The following SDR9C7 variants were observed in gnomAD, a reference collection of about 807,000 sequenced individuals.
The protein encoded by SDR9C7 is short-chain dehydrogenase/reductase family 9C member 7.
Under a neutral mutation model 23.6 loss-of-function variants are expected in SDR9C7, and 11 were observed. That is an observed-to-expected ratio of 0.47 (90% CI 0.29 to 0.77). The LOEUF is 0.77. Ranked by LOEUF, SDR9C7 falls within the 30% of genes least tolerant of loss-of-function variation. The probability of loss-of-function intolerance (pLI) is 0.09; values close to 1 mark genes in which losing one functional copy is unlikely to be tolerated. For synonymous variants in SDR9C7, 167 were observed against 157.3 expected, an observed-to-expected ratio of 1.06 and a Z score of -0.46; for missense variants, 387 against 407.1, an observed-to-expected ratio of 0.95 and a Z score of 0.42.
chr12:56,928,069 C>T (rs1955745282), intron 3 of SDR9C7, among the ~76,000 whole-genome samples: 2 of 152,088 alleles, frequency 1.3e-5, no homozygotes, highest in Admixed American at 6.5e-5. Flanking sequence ...TGAGACTTCC[C>T]TAAATCAATG....
rs774735827 is a variant in SDR9C7 at position 56,934,199 on chromosome 12, G to A, written c.63C>T (p.Gly21=). ...TGAAGACGTACTTCTCTGAGAGGTT[G>A]CCAACCAGATTGCAGTTCTTGAACC... The part of the protein sequence containing the change: ...YRWFKNCNLV[G]NLSEKYVFIT... Residue 21 remains glycine (G), a synonymous_variant, in exon 1 of 4, where the codon GGC becomes GGT. Coordinates refer to ENST00000293502, the MANE Select transcript of SDR9C7 (RefSeq NM_148897.3). The A allele has an allele frequency of 6.2e-7, 1 of 1,614,098 alleles. No homozygotes were observed. Among genetic ancestry groups the A allele is most frequent in the Non-Finnish European group, 8.5e-7 (1 of 1,180,046 alleles).
intron 3 of SDR9C7, among the ~76,000 whole-genome samples, chr12:56,928,913 A>C (rs1955750065): frequency 6.6e-6 from 1 of 152,210 alleles, no homozygotes; most frequent in South Asian, 2.1e-4. Flanking sequence ...CAGAATGTGC[A>C]AAGTACTTCA....
At position 56,932,709 on chromosome 12, in the gene SDR9C7, G is replaced by A. The variant is rs183293577; in HGVS notation, c.301+1252C>T. Among the ~76,000 whole-genome samples, 168 of 152,298 alleles carry A rather than the reference G, an allele frequency of 1.1e-3. 3 individuals carry two copies. The highest frequency in any genetic ancestry group is 0.01 in the Admixed American group (158 of 15,310). ...TAGCTCACTCAAATCTATTTATTCA[G>A]TACCTTACTAGGTGCCAGACATTAT... On this transcript the variant is annotated intron_variant, in intron 1 of 3. Transcript: ENST00000293502.
In SDR9C7 at chr12:56,923,872, G is replaced by T; in HGVS notation, c.903C>A (p.Ile301=). The T allele has an allele frequency of 3.7e-6, 6 of 1,613,922 alleles. No homozygotes were observed. The highest frequency in any genetic ancestry group is 5.1e-6 in the Non-Finnish European group (6 of 1,179,880). Residue 301 remains isoleucine (I), a synonymous_variant, in exon 4 of 4, where the codon ATC becomes ATA. Coordinates refer to ENST00000293502, the MANE Select transcript of SDR9C7 (RefSeq NM_148897.3). ...CTGGCCTTGGAAGGTACCGGCTTAGGATGAAATCTGTCACAGGGGTGGGCA... is the reference window on the plus strand; with the variant it reads ...CTGGCCTTGGAAGGTACCGGCTTAGTATGAAATCTGTCACAGGGGTGGGCA... ...AKLPTPVTDF[I]LSRYLPRPAD...
rs1201726510 is a variant in SDR9C7, at chr12:56,929,451, C to T, written c.663G>A (p.Lys221=). ...GKENLESRMR[K]LWERLPQETR... is the part of the protein sequence containing the mutation. ...TCTCCTGAGGCAGCCTCTCCCAAAG[C>T]TTTCGCATGCGTGACTCCAGGTTCT... The change falls in exon 3 of 4, where the codon AAG becomes AAA. Residue 221 remains lysine (K), a synonymous_variant. Transcript: ENST00000293502. The T allele has an allele frequency of 1.2e-6, 2 of 1,613,878 alleles. No individual in the cohort carries two copies. The highest frequency in any genetic ancestry group is 1.7e-6 in the Non-Finnish European group (2 of 1,179,766).
At position 56,930,431 on chromosome 12, in the gene SDR9C7, C is replaced by G. The variant is rs538068583; in HGVS notation, c.355G>C (p.Glu119Gln). Residue 119 changes from glutamate to glutamine, a missense_variant, in exon 2 of 4, where the codon GAA becomes CAA. Glu to Gln is a conservative substitution (Grantham distance 29). Coordinates refer to ENST00000293502, the MANE Select transcript of SDR9C7 (RefSeq NM_148897.3). ...AGVGLPSGPNEWLTKDDFVKV... is the reference protein window; with the variant it reads ...AGVGLPSGPNQWLTKDDFVKV... ...ACAAAGTCATCCTTGGTCAGCCATT[C>G]GTTGGGACCACTGGGCAGGCCCACA... 3 of 1,614,164 alleles carry G rather than the reference C, an allele frequency of 1.9e-6. No individual in the cohort carries two copies. The highest frequency in any genetic ancestry group is 2.7e-5 in the African/African-American group (2 of 75,026).
At chr12:56,927,435 G>A (rs1955741552) in intron 3 of SDR9C7, among the ~76,000 whole-genome samples, 1 of 152,166 alleles carries the variant, frequency 6.6e-6, no homozygotes, top group Admixed American at 6.5e-5. Flanking sequence ...CCCCACACAT[G>A]CTAACATCTT....
Position 56,930,457 on chromosome 12 carries a change from C to T in SDR9C7, c.329G>A (p.Gly110Asp), listed in dbSNP as rs751502183. ...GTTGGGACCACTGGGCAGGCCCACA[C>T]CAGCATTGTTCACCAGGGCCCAGAG... ...QGLWALVNNA[G>D]VGLPSGPNEW... Residue 110 changes from glycine to aspartate, a missense_variant, in exon 2 of 4, where the codon GGT becomes GAT. By Grantham distance (94) the Gly-to-Asp change is moderately conservative. Transcript: ENST00000293502. The T allele has an allele frequency of 5.0e-6, 8 of 1,614,008 alleles. No individual in the cohort carries two copies. The highest frequency in any genetic ancestry group is 3.3e-5 in the South Asian group (3 of 91,080).
intron 2 of SDR9C7, 64 bp from the exon 3 acceptor site, chr12:56,929,617 CTGGATGGG>C (rs1307453753): frequency 6.4e-7 from 1 of 1,554,594 alleles, no homozygotes; most frequent in Non-Finnish European, 8.8e-7. Flanking sequence ...AGAGTCACCT[CTGGATGGG>C]CTGGTCTTTC....
chr12:56,930,424 A>G lies in SDR9C7; in HGVS notation c.362T>C (p.Leu121Pro). 5.6e-6 allele frequency: 9 copies of G among 1,614,196 alleles called. No individual in the cohort carries two copies. The highest frequency in any genetic ancestry group is 7.6e-6 in the Non-Finnish European group (9 of 1,180,030). Residue 121 changes from leucine (L) to proline (P), a missense_variant, in exon 2 of 4, where the codon CTG becomes CCG. Coordinates refer to ENST00000293502, the MANE Select transcript of SDR9C7 (RefSeq NM_148897.3). ...CACCTTCACAAAGTCATCCTTGGTC[A>G]GCCATTCGTTGGGACCACTGGGCAG... ...VGLPSGPNEW[L>P]TKDDFVKVIN...
rs972008294 is a variant in SDR9C7 at position 56,923,492 on chromosome 12, G to C, written c.*341C>G. 1.5e-5 allele frequency: 3 copies of C among 193,614 alleles called. No homozygotes were observed. Among genetic ancestry groups the C allele is most frequent in the Non-Finnish European group, 3.2e-5 (3 of 94,380 alleles). The allele number at this position is 193,614 out of a possible 1,614,324, so 12.0% of individuals were successfully genotyped here. On this transcript the variant is annotated 3_prime_UTR_variant, in exon 4 of 4. Transcript: ENST00000293502. ...TTCTCAGTGGCAGTGATAACTGAAA[G>C]GGGCTCATGATTCCACAGGAGCTGG...
At chr12:56,924,103 G>T (rs1955716540) in intron 3 of SDR9C7, 53 bp from the exon 4 acceptor site, 8 of 1,304,522 alleles carry the variant, frequency 6.1e-6, no homozygotes, top group Middle Eastern at 1.9e-4. Flanking sequence ...ATAAAAGATG[G>T]CTTCTTCCGA....
Position 56,934,145 on chromosome 12 carries a change from G to A in SDR9C7, c.117C>T (p.Asn39=), listed in dbSNP as rs534622617. 13 of 1,614,102 alleles carry A rather than the reference G, an allele frequency of 8.1e-6. No homozygotes were observed. The highest frequency in any genetic ancestry group is 2.2e-5 in the East Asian group (1 of 44,888). The change falls in exon 1 of 4, where the codon AAC becomes AAT. Residue 39 remains asparagine (N), a synonymous_variant. Coordinates refer to ENST00000293502, the MANE Select transcript of SDR9C7 (RefSeq NM_148897.3). ...FITGCDSGFG[N]LLAKQLVDRG... ...GATCAACCAGCTGTTTGGCCAGCAGGTTCCCGAAGCCAGAGTCACAGCCTG... is the reference window on the plus strand; with the variant it reads ...GATCAACCAGCTGTTTGGCCAGCAGATTCCCGAAGCCAGAGTCACAGCCTG...
chr12:56,931,723 A>G (rs1955770082), intron 1 of SDR9C7, among the ~76,000 whole-genome samples: 1 of 152,070 alleles, frequency 6.6e-6, no homozygotes, highest in Non-Finnish European at 1.5e-5. Context: ...AAACCCCTCT[A>G]AACACTCCTC....
chr12:56,931,952 T>A (rs550297288), intron 1 of SDR9C7, among the ~76,000 whole-genome samples: 2 of 152,252 alleles, frequency 1.3e-5, no homozygotes, highest in East Asian at 3.9e-4. Context: ...TCCCTGCCTT[T>A]CTCCATTCAG....
chr12:56,934,377 T>C lies in SDR9C7; in HGVS notation c.-116A>G, dbSNP rs1955786583. 2 of 847,838 alleles carry C rather than the reference T, an allele frequency of 2.4e-6. No homozygotes were observed. The highest frequency in any genetic ancestry group is 3.4e-5 in the South Asian group (2 of 58,526). 52.5% of individuals were successfully genotyped at this position (847,838 alleles called of 1,614,324 possible). A position where few individuals can be genotyped will look rare whatever the true frequency, so the allele number is the denominator to read the frequency against. ...AGGAAACCACCTGGAAGAAGAACTC[T>C]CCTTCCTCCCACAGCTTGCAACAAA... On this transcript the variant is annotated 5_prime_UTR_variant, in exon 1 of 4. Coordinates refer to ENST00000293502, the MANE Select transcript of SDR9C7 (RefSeq NM_148897.3).
chr12:56,923,687 TA>T lies in SDR9C7; in HGVS notation c.*145del. 1 of 640,608 alleles carries T rather than the reference TA, an allele frequency of 1.6e-6. No homozygotes were observed. The allele number at this position is 640,608 out of a possible 1,614,324, so 39.7% of individuals were successfully genotyped here. A position where few individuals can be genotyped will look rare whatever the true frequency, so the allele number is the denominator to read the frequency against. On this transcript the variant is annotated 3_prime_UTR_variant, in exon 4 of 4. Coordinates refer to ENST00000293502, the MANE Select transcript of SDR9C7 (RefSeq NM_148897.3). The stretch of plus-strand genomic sequence containing the variant: ...TTCACCTTCTGTTAGAAGTTACTGG[TA>T]AATTCGACAGCAGTGGGTGTCAGCT...
intron 3 of SDR9C7, among the ~76,000 whole-genome samples, chr12:56,924,511 A>G (rs1473315302): frequency 6.6e-6 from 1 of 152,226 alleles, no homozygotes; most frequent in Non-Finnish European, 1.5e-5. Context: ...AAGTCCTACT[A>G]TTGCATTAGA....
chr12:56,933,643 C>A (rs1284422276), intron 1 of SDR9C7, among the ~76,000 whole-genome samples: 1 of 152,230 alleles, frequency 6.6e-6, no homozygotes, highest in Non-Finnish European at 1.5e-5. Context: ...TAGGCGTGAG[C>A]CACCACGCCC....
Sources: gnomAD v4.1 joint callset for allele counts (sites outside exome capture counted in the v4.1 genomes callset) on GRCh38, gnomAD v4.1.1 for gene constraint, MANE v1.5 for transcripts, NCBI Gene and HGNC (gene_info 2026-07-23, HGNC 2026-07-21) for gene names.